MYOCD: variants seen among roughly 807,000 people sequenced by gnomAD.
MYOCD encodes myocardin.
A neutral mutation model predicts 96.1 loss-of-function variants in MYOCD; 32 were observed. The observed-to-expected ratio is 0.33, with a 90% CI of 0.25 to 0.45. The LOEUF is 0.45. Among genes scored for constraint, MYOCD ranks in the 20% least tolerant of loss-of-function variants. The pLI is 1.00. For missense variants in MYOCD, 1,133 were observed against 1,200.6 expected (o/e 0.94, Z 0.83); for synonymous variants, 469 against 469.0 (o/e 1.00, Z 0.00).
chr17:12,669,247 A>T (rs1210036959), intron 1 of MYOCD, among the ~76,000 whole-genome samples: 1 of 152,236 alleles, frequency 6.6e-6, no homozygotes, highest in East Asian at 1.9e-4. Flanking sequence ...TGTGTGCCAC[A>T]CACAGGCACA....
intron 1 of MYOCD, among the ~76,000 whole-genome samples, chr17:12,668,900 G>A (rs892980065): frequency 5.9e-5 from 9 of 152,120 alleles, no homozygotes; most frequent in Admixed American, 1.3e-4. Context: ...TGGGACCGGC[G>A]GTTGGTCAGT....
chr17:12,747,371 A>AGGAG (rs1567597010), intron 9 of MYOCD, among the ~76,000 whole-genome samples: 1 of 151,546 alleles, frequency 6.6e-6, no homozygotes, highest in Non-Finnish European at 1.5e-5. Flanking sequence ...CAATGACAGA[A>AGGAG]GGAGAGTAGA....
intron 1 of MYOCD, among the ~76,000 whole-genome samples, chr17:12,686,807 T>G (rs2030143868): frequency 6.6e-6 from 1 of 152,170 alleles, no homozygotes; most frequent in African/African-American, 2.4e-5. Context: ...AGGGAAGGGT[T>G]CCCTCTGCTG....
At chr17:12,747,574 T>C (rs2032704206) in intron 9 of MYOCD, among the ~76,000 whole-genome samples, 1 of 151,440 alleles carries the variant, frequency 6.6e-6, no homozygotes, top group Non-Finnish European at 1.5e-5. Flanking sequence ...CCTAGAAGGG[T>C]GAATGAGATT....
chr17:12,676,914 A>G lies in MYOCD; in HGVS notation c.55+10671A>G, dbSNP rs971094063. Among the ~76,000 whole-genome samples the G allele has an allele frequency of 7.2e-5, 11 of 152,338 alleles. No homozygotes were observed. In the South Asian group the frequency reaches 8.3e-4, roughly 11 times the overall value. On this transcript the variant is annotated intron_variant, in intron 1 of 13. Coordinates refer to ENST00000425538, the MANE Select transcript of MYOCD (RefSeq NM_001146312.3). The stretch of plus-strand genomic sequence containing the variant: ...CTTTTCTATGTGTAAATGTGGAAAC[A>G]AGAATGCCTCCTTCATTGGAAATTT...
At chr17:12,741,566 G>A (rs1217389618) in intron 7 of MYOCD, among the ~76,000 whole-genome samples, 3 of 151,974 alleles carry the variant, frequency 2.0e-5, no homozygotes, top group Non-Finnish European at 4.4e-5. Context: ...AAAATTAGCC[G>A]GACGTGGTGG....
intron 6 of MYOCD, 25 bp downstream of exon 6, chr17:12,736,361 A>G: frequency 1.2e-6 from 2 of 1,609,036 alleles, no homozygotes; most frequent in Non-Finnish European, 1.7e-6. Flanking sequence ...AAACAAACGA[A>G]AAAAGTAAAA....
At chr17:12,711,437 A>G (rs754143401) in intron 2 of MYOCD, among the ~76,000 whole-genome samples, 5 of 152,150 alleles carry the variant, frequency 3.3e-5, no homozygotes, top group Non-Finnish European at 7.4e-5. Flanking sequence ...TTAAAATAGT[A>G]TTGTCTTCCC....
intron 11 of MYOCD, among the ~76,000 whole-genome samples, 153 bp downstream of exon 11, chr17:12,756,710 A>C (rs894052646): frequency 6.6e-6 from 1 of 150,962 alleles, no homozygotes. Context: ...AAAAAAAAAA[A>C]AAAAGAATAA....
intron 11 of MYOCD, among the ~76,000 whole-genome samples, 181 bp downstream of exon 11, chr17:12,756,738 C>G: frequency 8.5e-6 from 1 of 117,068 alleles, no homozygotes; most frequent in Admixed American, 8.2e-5. Flanking sequence ...AAATAAAGAA[C>G]AATATAGGTT....
At chr17:12,691,909 C>T (rs2030467739) in intron 1 of MYOCD, among the ~76,000 whole-genome samples, 1 of 152,110 alleles carries the variant, frequency 6.6e-6, no homozygotes, top group Non-Finnish European at 1.5e-5. Flanking sequence ...TGGGAGATTT[C>T]AATAGATGAT....
intron 7 of MYOCD, among the ~76,000 whole-genome samples, chr17:12,740,076 C>T (rs1179823061): frequency 6.6e-6 from 1 of 152,118 alleles, no homozygotes; most frequent in Non-Finnish European, 1.5e-5. Context: ...TCTGGGACTA[C>T]AGGCTCCCGC....
chr17:12,742,688 A>G (rs552486795), intron 7 of MYOCD, among the ~76,000 whole-genome samples: 1 of 151,202 alleles, frequency 6.6e-6, no homozygotes, highest in East Asian at 2.0e-4. Context: ...CTACTGCCTC[A>G]CCCTCCCGAG....
chr17:12,711,654 C>G (rs912066704), intron 2 of MYOCD, among the ~76,000 whole-genome samples: 1 of 152,140 alleles, frequency 6.6e-6, no homozygotes, highest in Non-Finnish European at 1.5e-5. Flanking sequence ...GTCCAAGCAG[C>G]CTTTCTCTGG....
At chr17:12,740,563 C>T (rs1234576353) in intron 7 of MYOCD, among the ~76,000 whole-genome samples, 1 of 152,120 alleles carries the variant, frequency 6.6e-6, no homozygotes, top group Non-Finnish European at 1.5e-5. Context: ...TCTTTATCCA[C>T]TTGTTGGTTG....
rs1299549660 is a variant in MYOCD, at chr17:12,758,383, T to C, written c.2331+170T>C. The C allele has an allele frequency of 8.0e-6, 8 of 1,000,420 alleles. No homozygotes were observed. The East Asian group carries it at 2.1e-4, about 26-fold the overall frequency. The allele number at this position is 1,000,420 out of a possible 1,614,324, so 62.0% of individuals were successfully genotyped here. On this transcript the variant is annotated intron_variant, in intron 12 of 13. Coordinates refer to ENST00000425538, the MANE Select transcript of MYOCD (RefSeq NM_001146312.3). ...ACAATAATTGGAAAACAGTGTTGCA[T>C]GTGTAGCTGTGTGAGGCAGGGAGAG...
At chr17:12,729,758 G>C (rs1424418387) in intron 5 of MYOCD, among the ~76,000 whole-genome samples, 1 of 152,064 alleles carries the variant, frequency 6.6e-6, no homozygotes, top group Non-Finnish European at 1.5e-5. Context: ...TTTTAGTAGA[G>C]ATGGGGTTTC....
rs750753749 is a variant in MYOCD at position 12,746,029 on chromosome 17, C to G, written c.1082C>G (p.Ser361Cys). The G allele has an allele frequency of 1.2e-6, 2 of 1,614,096 alleles. No homozygotes were observed. The highest frequency in any genetic ancestry group is 8.5e-7 in the Non-Finnish European group (1 of 1,180,038). ...TTTTCTGGACAAACTGGTGTCTCTT[C>G]TTTCAAACCAGGCCCACTCCCACCT... ...NSFSGQTGVS[S>C]FKPGPLPPNL... The change falls in exon 9 of 14, where the codon TCT becomes TGT. Residue 361 changes from serine to cysteine, a missense_variant. Transcript: ENST00000425538.
chr17:12,730,507 A>T (rs2032139587), intron 5 of MYOCD, among the ~76,000 whole-genome samples: 1 of 152,176 alleles, frequency 6.6e-6, no homozygotes, highest in Admixed American at 6.5e-5. Context: ...TGAGTAAAAA[A>T]AATTAGTCAT....
Sources: gnomAD v4.1 joint callset for allele counts (sites outside exome capture counted in the v4.1 genomes callset) on GRCh38, gnomAD v4.1.1 for gene constraint, MANE v1.5 for transcripts, NCBI Gene and HGNC (gene_info 2026-07-23, HGNC 2026-07-21) for gene names.